COL5A3: variants seen among roughly 807,000 people sequenced by gnomAD.
The protein encoded by COL5A3 is collagen type V alpha 3 chain.
In COL5A3, 172 loss-of-function variants were observed where a neutral mutation model predicts 250.0. The observed-to-expected ratio is 0.69, with a 90% CI of 0.61 to 0.78. The LOEUF is 0.78. Among genes scored for constraint, COL5A3 ranks in the 30% least tolerant of loss-of-function variants. The pLI, the probability that COL5A3 is intolerant of heterozygous loss-of-function variation, is 0.00. For synonymous variants in COL5A3, 937 were observed against 900.4 expected (o/e 1.04, Z -0.73); for missense variants, 2,340 against 2,334.4 (o/e 1.00, Z -0.05).
At chr19:9,980,161 G>T (rs563287259) in intron 35 of COL5A3, 114 bp from the exon 36 acceptor site, 5 of 1,003,950 alleles carry the variant, frequency 5.0e-6, no homozygotes, top group African/African-American at 3.3e-5. Flanking sequence ...TGCATGCCAG[G>T]CATGGGCAGG....
At chr19:9,989,232 AG>A in intron 26 of COL5A3, 55 bp from the exon 27 acceptor site, 1 of 1,611,442 alleles carries the variant, frequency 6.2e-7, no homozygotes, top group Non-Finnish European at 8.5e-7. Flanking sequence ...ACATTCTAAG[AG>A]CCCTCATCTC....
At chr19:9,985,510 T>C (rs2087086791) in intron 31 of COL5A3, among the ~76,000 whole-genome samples, 1 of 152,026 alleles carries the variant, frequency 6.6e-6, no homozygotes, top group Non-Finnish European at 1.5e-5. Context: ...TCCGCCTGCG[T>C]CTGCCGCCCA....
At chr19:10,000,672 G>C (rs937790723) in intron 8 of COL5A3, among the ~76,000 whole-genome samples, 1 of 151,754 alleles carries the variant, frequency 6.6e-6, no homozygotes, top group South Asian at 2.1e-4. Context: ...CTGGTGCTTG[G>C]AGTAAAAGCC....
chr19:9,978,956 G>T lies in COL5A3; in HGVS notation c.2899C>A (p.Leu967Ile). Residue 967 changes from leucine to isoleucine, a missense_variant, in exon 40 of 67, where the codon CTT becomes ATT. Around this residue, in one of 3 missense-constraint regions of COL5A3, gnomAD observed 1,179 missense variants for 1,162.6 expected, o/e 1.01. Transcript: ENST00000264828. ...AKGELGPPGP[L>I]GKEGPAGLRG... is the part of the protein sequence containing the mutation. ...AGTCCAGCTGGCCCTTCTTTCCCAA[G>T]GGGTCCTGGTGGTCCCAGTTCCCCC... The T allele has an allele frequency of 6.5e-7, 1 of 1,534,176 alleles. No individual in the cohort carries two copies. The highest frequency in any genetic ancestry group is 2.4e-5 in the East Asian group (1 of 41,812).
chr19:9,992,065 T>A lies in COL5A3; in HGVS notation c.1849-17A>T. 2 of 1,611,462 alleles carry A rather than the reference T, an allele frequency of 1.2e-6. No homozygotes were observed. Among genetic ancestry groups the A allele is most frequent in the Non-Finnish European group, 1.7e-6 (2 of 1,178,470 alleles). Reference sequence around the variant, plus strand: ...AGTCACACCCTAGGGGAAAAGAGGATGTGAGACCAAGACAGAGCAACAAGC... The same window carrying A: ...AGTCACACCCTAGGGGAAAAGAGGAAGTGAGACCAAGACAGAGCAACAAGC... On this transcript the variant is annotated splice_polypyrimidine_tract_variant and intron_variant, in intron 21 of 66. Transcript: ENST00000264828.
At chr19:9,970,844 G>A in intron 53 of COL5A3, 131 bp downstream of exon 53, 1 of 1,076,620 alleles carries the variant, frequency 9.3e-7, no homozygotes, top group Non-Finnish European at 1.3e-6. Flanking sequence ...GGGGTCCCCA[G>A]AGAGGTGAAG....
At chr19:9,989,011 G>T in intron 27 of COL5A3, 113 bp downstream of exon 27, 2 of 1,085,746 alleles carry the variant, frequency 1.8e-6, no homozygotes, top group Non-Finnish European at 2.8e-6. Context: ...CACTACATTT[G>T]GCCTGGCCAA....
intron 3 of COL5A3, 33 bp downstream of exon 3, chr19:10,005,763 C>T (rs2087432824): frequency 6.3e-7 from 1 of 1,599,166 alleles, no homozygotes; most frequent in African/African-American, 1.3e-5. Flanking sequence ...CACCCCTTAT[C>T]CACGGACCCC....
chr19:10,003,953 G>T (rs950895223), intron 5 of COL5A3, 88 bp downstream of exon 5: 4 of 1,162,158 alleles, frequency 3.4e-6, no homozygotes, highest in African/African-American at 1.5e-5. Flanking sequence ...ATGTCTGGGG[G>T]ATGAGAATTC....
At chr19:9,972,331 GTTCATCCATTCACTCA>G (rs2086862294) in intron 51 of COL5A3, among the ~76,000 whole-genome samples, 1 of 82,392 alleles carries the variant, frequency 1.2e-5, no homozygotes, top group East Asian at 2.9e-4. Flanking sequence ...TCACTCACTC[GTTCATCCATTCACTCA>G]TTTATTCATC....
chr19:10,001,542 A>G lies in COL5A3; in HGVS notation c.1092T>C (p.Thr364=), dbSNP rs770580552. 2 of 1,614,088 alleles carry G rather than the reference A, an allele frequency of 1.2e-6. No individual in the cohort carries two copies. The highest frequency in any genetic ancestry group is 2.2e-5 in the South Asian group (2 of 91,064). ...DFRAAEYPSR[T]QFQIFPGAGE... ...AACTCACAGGAAAGATCTGGAACTG[A>G]GTCCGAGATGGATATTCTGCTGCCC... The change falls in exon 8 of 67, where the codon ACT becomes ACC. Residue 364 remains threonine (T), a synonymous_variant. Coordinates refer to ENST00000264828, the MANE Select transcript of COL5A3 (RefSeq NM_015719.4).
At position 10,001,823 on chromosome 19, in the gene COL5A3, G is replaced by T. The variant is rs766094616; in HGVS notation, c.908C>A (p.Thr303Lys). 2.5e-6 allele frequency: 4 copies of T among 1,614,178 alleles called. No homozygotes were observed. In the South Asian group the frequency reaches 4.4e-5, roughly 18 times the overall value. Residue 303 changes from threonine (T) to lysine (K), a missense_variant, in exon 7 of 67, where the codon ACG (threonine) becomes AAG (lysine). Physicochemically the swap from Thr to Lys is moderately conservative, Grantham distance 78. Around this residue, in one of 3 missense-constraint regions of COL5A3, gnomAD observed 1,152 missense variants for 1,146.3 expected, o/e 1.00. Transcript: ENST00000264828. ...TPAPNLPPTP[T>K]PLVVTSTVTT... is the part of the protein sequence containing the mutation. ...CACAGTGGAGGTGACGACCAAAGGC[G>T]TGGGGGTCGGAGGCAGATTTGGAGC...
At chr19:9,970,715 A>G in intron 53 of COL5A3, 40 bp from the exon 54 acceptor site, 5 of 1,385,366 alleles carry the variant, frequency 3.6e-6, no homozygotes, top group East Asian at 2.9e-5. Flanking sequence ...CTCAGCTAAC[A>G]TTGTTTGAGC....
At chr19:10,007,468 C>A (rs561363082) in intron 1 of COL5A3, among the ~76,000 whole-genome samples, 1 of 152,386 alleles carries the variant, frequency 6.6e-6, no homozygotes, top group African/African-American at 2.4e-5. Flanking sequence ...CAGCCCCACC[C>A]CAGCAGGCAG....
rs561916738 is a variant in COL5A3, at chr19:10,001,680, T to C, written c.964-10A>G. 11 of 1,613,832 alleles carry C rather than the reference T, an allele frequency of 6.8e-6. No homozygotes were observed. The East Asian group carries it at 2.2e-4, about 33-fold the overall frequency. On this transcript the variant is annotated splice_polypyrimidine_tract_variant and intron_variant, in intron 7 of 66. Coordinates refer to ENST00000264828, the MANE Select transcript of COL5A3 (RefSeq NM_015719.4). ...CAGGGTCCAAGCTCCTCTGAGAACG[T>C]TAGGAAAGACCAAAGTTTTCCCTGA...
In COL5A3 at chr19:10,006,111, G is replaced by C. The variant is rs1228807685; in HGVS notation, c.209C>G (p.Ala70Gly). The C allele has an allele frequency of 1.9e-6, 3 of 1,613,902 alleles. No homozygotes were observed. In the African/African-American group the frequency reaches 4.0e-5, roughly 22 times the overall value. ...EGDRAFRIGQASTLGIPTWEL... is the reference protein window; with the variant it reads ...EGDRAFRIGQGSTLGIPTWEL... Reference sequence around the variant, plus strand: ...CCACGTGGGGATGCCGAGCGTGCTGGCCTGGCCAATTCTGAATGCCCGGTC... The same window carrying C: ...CCACGTGGGGATGCCGAGCGTGCTGCCCTGGCCAATTCTGAATGCCCGGTC... The change falls in exon 2 of 67, where the codon GCC becomes GGC. Residue 70 changes from alanine to glycine, a missense_variant. By Grantham distance (60) the Ala-to-Gly change is moderately conservative (BLOSUM62 0). Transcript: ENST00000264828.
rs538232154 is a variant in COL5A3 at position 9,961,691 on chromosome 19, T to C, written c.4852-801A>G. Among the ~76,000 whole-genome samples the C allele has an allele frequency of 3.9e-5, 6 of 151,938 alleles. No individual in the cohort carries two copies. In the East Asian group the frequency reaches 7.7e-4, roughly 20 times the overall value. ...CTCCTGCCTCAGCCTCCCAAGTAACTGGGACTACGGGCGCCTGCCACCACG... is the reference window on the plus strand; with the variant it reads ...CTCCTGCCTCAGCCTCCCAAGTAACCGGGACTACGGGCGCCTGCCACCACG... On this transcript the variant is annotated intron_variant, in intron 65 of 66. Coordinates refer to ENST00000264828, the MANE Select transcript of COL5A3 (RefSeq NM_015719.4).
chr19:9,962,693 C>A, intron 65 of COL5A3, 126 bp downstream of exon 65: 1 of 658,716 alleles, frequency 1.5e-6, no homozygotes, highest in Non-Finnish European at 2.6e-6. Context: ...CTCCAGCTTG[C>A]GATCCCTAGG....
chr19:9,972,315 ATCCATTCACTCACTCG>A (rs1568409608), intron 51 of COL5A3, among the ~76,000 whole-genome samples: 1 of 42,432 alleles, frequency 2.4e-5, no homozygotes, highest in Non-Finnish European at 4.5e-5. Flanking sequence ...TCACTCGTTC[ATCCATTCACTCACTCG>A]TTCATCCATT....
Sources: allele counts gnomAD v4.1 joint callset (sites outside exome capture counted in the v4.1 genomes callset), GRCh38; gene constraint gnomAD v4.1.1; regional missense constraint gnomAD v4.1.1; transcripts MANE v1.5; gene names NCBI Gene and HGNC (gene_info 2026-07-23, HGNC 2026-07-21).